Variants in NR3C1 observed in about 807,000 individuals in gnomAD.
NR3C1 encodes nuclear receptor subfamily 3 group C member 1, also known as glucocorticoid receptor.
In NR3C1, 14 loss-of-function variants were observed where a neutral mutation model predicts 74.0. The observed-to-expected ratio is 0.19, with a 90% confidence interval of 0.12 to 0.30. NR3C1 has a LOEUF of 0.30. Among genes scored for constraint, NR3C1 ranks in the 10% least tolerant of loss-of-function variants. The pLI, the probability that NR3C1 is intolerant of heterozygous loss-of-function variation, is 1.00. For synonymous variants in NR3C1, 308 were observed against 332.5 expected, an observed-to-expected ratio of 0.93 and a Z score of 0.80; for missense variants, 695 against 909.8, an observed-to-expected ratio of 0.76 and a Z score of 3.04.
At chr5:143,421,510 T>C (rs1376515273) in intron 1 of NR3C1, among the ~76,000 whole-genome samples, 1 of 151,298 alleles carries the variant, frequency 6.6e-6, no homozygotes, top group East Asian at 1.9e-4. Context: ...TGAGTTCTCA[T>C]GGGTAGAGCA....
At chr5:143,363,981 T>A (rs1316381528) in intron 2 of NR3C1, among the ~76,000 whole-genome samples, 1 of 151,794 alleles carries the variant, frequency 6.6e-6, no homozygotes. Context: ...AAAAAGATTA[T>A]TTAAAAAAAA....
At chr5:143,367,634 A>T (rs1833483732) in intron 2 of NR3C1, among the ~76,000 whole-genome samples, 1 of 152,374 alleles carries the variant, frequency 6.6e-6, no homozygotes, top group Middle Eastern at 3.4e-3. Context: ...AGTGAAATTA[A>T]GAAAACAAAT....
exon 1 of NR3C1, chr5:143,435,280 A>T: frequency 2.0e-6 from 2 of 985,292 alleles, no homozygotes; most frequent in Non-Finnish European, 1.2e-6. Context: ...ACGGTCCTGC[A>T]GGGCTTGAAA....
At chr5:143,383,734 T>C (rs943734645) in intron 2 of NR3C1, among the ~76,000 whole-genome samples, 1 of 152,236 alleles carries the variant, frequency 6.6e-6, no homozygotes, top group African/African-American at 2.4e-5. Flanking sequence ...CACTGGTATG[T>C]TGTTATCAAT....
At chr5:143,354,406 C>A (rs566037117) in intron 2 of NR3C1, among the ~76,000 whole-genome samples, 1 of 152,132 alleles carries the variant, frequency 6.6e-6, no homozygotes, top group Non-Finnish European at 1.5e-5. Flanking sequence ...CCACTTCTAG[C>A]TTTTTATTTA....
chr5:143,430,353 G>A (rs1751752642), intron 1 of NR3C1, among the ~76,000 whole-genome samples: 1 of 152,184 alleles, frequency 6.6e-6, no homozygotes, highest in Admixed American at 6.5e-5. Context: ...ATCTCTGGAT[G>A]TGAGATGATG....
chr5:143,350,130 C>T (rs894202013), intron 2 of NR3C1, among the ~76,000 whole-genome samples: 2 of 152,096 alleles, frequency 1.3e-5, no homozygotes, highest in East Asian at 3.9e-4. Context: ...CCATGGTAAA[C>T]CCTTAGACTG....
chr5:143,385,191 G>A (rs1336162101), intron 2 of NR3C1, among the ~76,000 whole-genome samples: 1 of 152,212 alleles, frequency 6.6e-6, no homozygotes, highest in African/African-American at 2.4e-5. Context: ...TGAGGCTGCA[G>A]AGAGCAGCGC....
chr5:143,409,077 G>T (rs2151954327), intron 1 of NR3C1: 1 of 152,306 alleles, frequency 6.6e-6, no homozygotes, highest in Non-Finnish European at 1.5e-5. Context: ...AAAGCACCAG[G>T]AACTGTTGGT....
intron 2 of NR3C1, among the ~76,000 whole-genome samples, chr5:143,372,233 T>C (rs1003369727): frequency 6.6e-6 from 1 of 152,224 alleles, no homozygotes; most frequent in African/African-American, 2.4e-5. Context: ...AATTTTCATC[T>C]TTCACTTAAG....
chr5:143,290,959 A>G (rs758594924), intron 7 of NR3C1, among the ~76,000 whole-genome samples: 1 of 151,924 alleles, frequency 6.6e-6, no homozygotes, highest in Non-Finnish European at 1.5e-5. Flanking sequence ...GCCCTTGTTT[A>G]TGCATTTTTT....
At chr5:143,287,192 A>C (rs1203509800) in intron 7 of NR3C1, among the ~76,000 whole-genome samples, 1 of 152,120 alleles carries the variant, frequency 6.6e-6, no homozygotes, top group Non-Finnish European at 1.5e-5. Flanking sequence ...ATAATCAATG[A>C]CATAGGAAAC....
intron 2 of NR3C1, among the ~76,000 whole-genome samples, chr5:143,345,521 A>G (rs939117877): frequency 1.3e-5 from 2 of 152,166 alleles, no homozygotes; most frequent in Non-Finnish European, 2.9e-5. Flanking sequence ...ACAAATTAAT[A>G]TAAAATGAAA....
Position 143,300,616 on chromosome 5 carries a change from A to G in NR3C1, c.1616T>C (p.Ile539Thr). 1 of 1,614,194 alleles carries G rather than the reference A, an allele frequency of 6.2e-7. No homozygotes were observed. The highest frequency in any genetic ancestry group is 8.5e-7 in the Non-Finnish European group (1 of 1,180,012). Residue 539 changes from isoleucine (I) to threonine (T), a missense_variant, in exon 5 of 9, where the codon ATT becomes ACT. Ile to Thr is a moderately conservative substitution (Grantham distance 89, BLOSUM62 -1). This residue lies in a region of NR3C1 where 133 missense variants were observed against 287.9 expected (regional missense o/e 0.46). Transcript: ENST00000394464. This position sits in a 1 kb window ranked among gnomAD's most constrained non-coding sequence, Gnocchi z 5.2. The stretch of plus-strand genomic sequence containing the variant: ...TCCTGCATATAACACTTCAGGTTCA[A>G]TAACCTCCAACAGTGACACCAGGGT... ...TPTLVSLLEV[I>T]EPEVLYAGYD...
intron 1 of NR3C1, among the ~76,000 whole-genome samples, chr5:143,413,026 C>A (rs1223981183): frequency 6.6e-6 from 1 of 152,158 alleles, no homozygotes; most frequent in African/African-American, 2.4e-5. Flanking sequence ...CAACAAAATA[C>A]AATTCCTTCA....
rs72466429 is a variant in NR3C1, at chr5:143,281,755, C to A, written c.*134G>T. ...GGCCCTCTATAAACCACATGTAGTG[C>A]GTATTTAAAACAAAACAACAGATGA... is the stretch of plus-strand genomic sequence containing the variant. On this transcript the variant is annotated 3_prime_UTR_variant, in exon 9 of 9. Transcript: ENST00000394464. 4.2e-6 allele frequency: 4 copies of A among 944,686 alleles called. No individual in the cohort carries two copies. Among genetic ancestry groups the A allele is most frequent in the Non-Finnish European group, 6.4e-6 (4 of 623,122 alleles). 58.5% of individuals were successfully genotyped at this position (944,686 alleles called of 1,614,324 possible).
intron 2 of NR3C1, among the ~76,000 whole-genome samples, chr5:143,349,215 C>A (rs1329698047): frequency 6.6e-6 from 1 of 152,150 alleles, no homozygotes; most frequent in African/African-American, 2.4e-5. Context: ...CCAAGGATAT[C>A]ATTTTCCTTA....
intron 7 of NR3C1, among the ~76,000 whole-genome samples, chr5:143,283,419 C>T (rs1224105450): frequency 6.6e-6 from 1 of 152,086 alleles, no homozygotes. Context: ...ATTTGGAGGA[C>T]CAAATGAAAT....
chr5:143,415,276 A>G (rs1276201149), intron 1 of NR3C1, among the ~76,000 whole-genome samples: 1 of 151,966 alleles, frequency 6.6e-6, no homozygotes, highest in African/African-American at 2.4e-5. Context: ...CCCCCACCCC[A>G]TTATTCCCCT....
Sources: gnomAD v4.1 joint callset for allele counts (sites outside exome capture counted in the v4.1 genomes callset) on GRCh38, gnomAD v4.1.1 for gene constraint, gnomAD v4.1.1 regional missense constraint, Gnocchi (gnomAD v3.1) non-coding constraint, MANE v1.5 for transcripts, NCBI Gene and HGNC (gene_info 2026-07-23, HGNC 2026-07-21) for gene names.